CAMKMT: variants seen among roughly 807,000 people sequenced by gnomAD.
CAMKMT encodes calmodulin-lysine N-methyltransferase.
Under a neutral mutation model 48.0 loss-of-function variants are expected in CAMKMT, and 53 were observed. That is an observed-to-expected ratio of 1.10 (90% CI 0.89 to 1.39). CAMKMT has a LOEUF of 1.39. Ranked by LOEUF, CAMKMT falls within the 40% of genes most tolerant of loss-of-function variation. CAMKMT has a pLI of 0.00. For missense variants in CAMKMT, 428 were observed against 402.7 expected, an observed-to-expected ratio of 1.06 and a Z score of -0.54; for synonymous variants, 165 against 152.3, an observed-to-expected ratio of 1.08 and a Z score of -0.61.
chr2:44,663,611 G>C (rs1470397977), intron 3 of CAMKMT, among the ~76,000 whole-genome samples: 1 of 152,176 alleles, frequency 6.6e-6, no homozygotes, highest in East Asian at 1.9e-4. Context: ...GATGTGGCAT[G>C]GCTGTTAGAT....
intron 3 of CAMKMT, among the ~76,000 whole-genome samples, chr2:44,577,123 G>A (rs1489953117): frequency 6.6e-6 from 1 of 152,218 alleles, no homozygotes; most frequent in Non-Finnish European, 1.5e-5. Flanking sequence ...CAAGGGAAAT[G>A]CCATGAATTC....
chr2:44,642,625 C>G (rs941858119), intron 3 of CAMKMT, among the ~76,000 whole-genome samples: 1 of 152,138 alleles, frequency 6.6e-6, no homozygotes, highest in African/African-American at 2.4e-5. Flanking sequence ...GACCTTCTCT[C>G]TACACAATTC....
intron 3 of CAMKMT, among the ~76,000 whole-genome samples, chr2:44,656,129 T>C (rs1224174127): frequency 6.6e-6 from 1 of 152,220 alleles, no homozygotes; most frequent in Non-Finnish European, 1.5e-5. Context: ...AAAAGAGCTC[T>C]TTCTGAAGCA....
intron 9 of CAMKMT, among the ~76,000 whole-genome samples, chr2:44,763,294 T>C (rs945862755): frequency 6.6e-6 from 1 of 152,246 alleles, no homozygotes; most frequent in Non-Finnish European, 1.5e-5. Flanking sequence ...GGTACAGTGT[T>C]GTGCACAGAA....
At chr2:44,450,478 C>G (rs754059683) in intron 3 of CAMKMT, among the ~76,000 whole-genome samples, 1 of 152,082 alleles carries the variant, frequency 6.6e-6, no homozygotes, top group African/African-American at 2.4e-5. Context: ...TCAACAAATA[C>G]AAACCTTAAA....
At chr2:44,655,696 G>T (rs537347197) in intron 3 of CAMKMT, among the ~76,000 whole-genome samples, 46 of 152,324 alleles carry the variant, frequency 3.0e-4, no homozygotes, top group Non-Finnish European at 6.0e-4. Flanking sequence ...TTTTGCACGC[G>T]ATAGGATGTA....
chr2:44,637,949 C>T (rs1673224956), intron 3 of CAMKMT, among the ~76,000 whole-genome samples: 2 of 151,418 alleles, frequency 1.3e-5, no homozygotes, highest in South Asian at 2.1e-4. Context: ...CCTGTAGTCC[C>T]GGCTACTTGG....
intron 10 of CAMKMT, 100 bp downstream of exon 10, chr2:44,766,661 C>A: frequency 7.7e-7 from 1 of 1,290,698 alleles, no homozygotes; most frequent in Non-Finnish European, 1.1e-6. Context: ...GATTAAAGTA[C>A]TCCTTAGATG....
At chr2:44,611,944 G>T (rs149233695) in intron 3 of CAMKMT, among the ~76,000 whole-genome samples, 3,943 of 152,196 alleles carry the variant, frequency 0.026, 154 homozygotes, top group Admixed American at 0.1. Context: ...CACGCCATTT[G>T]TGAGGGATCT....
intron 3 of CAMKMT, among the ~76,000 whole-genome samples, chr2:44,442,043 T>C (rs1666698676): frequency 6.6e-6 from 1 of 152,174 alleles, no homozygotes; most frequent in Non-Finnish European, 1.5e-5. Context: ...AATTGGCCCT[T>C]GAGAAGCAGG....
At chr2:44,530,955 A>G (rs1431324642) in intron 3 of CAMKMT, among the ~76,000 whole-genome samples, 4 of 151,982 alleles carry the variant, frequency 2.6e-5, no homozygotes, top group African/African-American at 9.7e-5. Context: ...TATGATGACA[A>G]AGATCTTCCC....
intron 3 of CAMKMT, among the ~76,000 whole-genome samples, chr2:44,437,749 G>A (rs1666358808): frequency 6.6e-6 from 1 of 151,292 alleles, no homozygotes; most frequent in South Asian, 2.1e-4. Flanking sequence ...GGGAGGTTGA[G>A]GTAGGAGGAT....
At chr2:44,458,842 G>T (rs1558631655) in intron 3 of CAMKMT, among the ~76,000 whole-genome samples, 1 of 152,070 alleles carries the variant, frequency 6.6e-6, no homozygotes, top group African/African-American at 2.4e-5. Flanking sequence ...TCTTCTAGTT[G>T]CAGTAATACG....
chr2:44,662,438 A>G (rs62132338), intron 3 of CAMKMT, among the ~76,000 whole-genome samples: 43,819 of 152,140 alleles, frequency 0.29, 6,757 homozygotes, highest in Admixed American at 0.35. Flanking sequence ...TTTACTGTCA[A>G]TGGAAATTGT....
chr2:44,619,412 C>T (rs912338117), intron 3 of CAMKMT, among the ~76,000 whole-genome samples: 1 of 151,948 alleles, frequency 6.6e-6, no homozygotes, highest in African/African-American at 2.4e-5. Flanking sequence ...ATTCATTGCA[C>T]CTACTCTTGT....
chr2:44,539,915 G>T (rs1666999423), intron 3 of CAMKMT, among the ~76,000 whole-genome samples: 1 of 152,158 alleles, frequency 6.6e-6, no homozygotes, highest in East Asian at 1.9e-4. Context: ...TGGCTTCCAG[G>T]TTTTCCAGTG....
At chr2:44,749,056 G>A (rs1375356707) in intron 8 of CAMKMT, among the ~76,000 whole-genome samples, 1 of 152,144 alleles carries the variant, frequency 6.6e-6, no homozygotes, top group Non-Finnish European at 1.5e-5. Context: ...CTTTCCATGG[G>A]TAATAATCAG....
chr2:44,548,507 G>A (rs756909625), intron 3 of CAMKMT, among the ~76,000 whole-genome samples: 3 of 152,106 alleles, frequency 2.0e-5, no homozygotes, highest in Admixed American at 1.3e-4. Context: ...CCTCTCCCAG[G>A]TATTTAGCCA....
chr2:44,507,920 C>T (rs532906239), intron 3 of CAMKMT, among the ~76,000 whole-genome samples: 1 of 152,348 alleles, frequency 6.6e-6, no homozygotes, highest in Non-Finnish European at 1.5e-5. Flanking sequence ...ACAGACACTT[C>T]ATTGTCAGCC....
Sources: allele counts gnomAD v4.1 joint callset (sites outside exome capture counted in the v4.1 genomes callset), GRCh38; gene constraint gnomAD v4.1.1; transcripts MANE v1.5; gene names NCBI Gene and HGNC (gene_info 2026-07-23, HGNC 2026-07-21).